PATJ: variants seen among roughly 807,000 people sequenced by gnomAD.
PATJ encodes the protein inaD-like protein.
PATJ carries 190 observed loss-of-function variants against 224.9 expected under a neutral mutation model. The observed-to-expected ratio is 0.84, with a 90% confidence interval of 0.75 to 0.95. PATJ has a LOEUF of 0.95. PATJ is among the 40% of genes least tolerant of loss of function. PATJ has a pLI of 0.00. For missense variants in PATJ, 2,121 were observed against 2,270.3 expected (o/e 0.93, Z 1.34); for synonymous variants, 769 against 820.3 (o/e 0.94, Z 1.07).
intron 29 of PATJ, among the ~76,000 whole-genome samples, chr1:62,032,818 G>A (rs902886409): frequency 2.0e-5 from 3 of 152,174 alleles, no homozygotes; most frequent in Non-Finnish European, 4.4e-5. Flanking sequence ...AGATTTAACT[G>A]ACAGTTCAGC....
intron 34 of PATJ, among the ~76,000 whole-genome samples, chr1:62,111,903 G>A (rs1015171210): frequency 6.6e-6 from 1 of 151,576 alleles, no homozygotes; most frequent in Non-Finnish European, 1.5e-5. Context: ...CTCGTGATCT[G>A]CCTGCCTCGG....
intron 18 of PATJ, among the ~76,000 whole-genome samples, chr1:61,860,493 T>C (rs1398899775): frequency 6.6e-6 from 1 of 152,200 alleles, no homozygotes; most frequent in Admixed American, 6.5e-5. Flanking sequence ...CTTGTGCCAG[T>C]TATTCAACCT....
At chr1:62,025,766 T>C (rs1301134466) in intron 29 of PATJ, among the ~76,000 whole-genome samples, 2 of 152,146 alleles carry the variant, frequency 1.3e-5, no homozygotes, top group African/African-American at 4.8e-5. Flanking sequence ...GAGGTTGCAG[T>C]GAGCTGAGGT....
chr1:61,754,089 A>G (rs1405214878), intron 1 of PATJ, among the ~76,000 whole-genome samples: 2 of 152,164 alleles, frequency 1.3e-5, no homozygotes, highest in Non-Finnish European at 2.9e-5. Flanking sequence ...CAAGCATAAT[A>G]AAGTTCTCAT....
At chr1:62,132,895 C>G (rs1394270026) in intron 41 of PATJ, among the ~76,000 whole-genome samples, 1 of 151,624 alleles carries the variant, frequency 6.6e-6, no homozygotes, top group Non-Finnish European at 1.5e-5. Flanking sequence ...CAGTGAGACC[C>G]TGTCTCAAAA....
At chr1:61,835,952 A>C (rs1237959817) in intron 17 of PATJ, among the ~76,000 whole-genome samples, 3 of 152,340 alleles carry the variant, frequency 2.0e-5, no homozygotes, top group Non-Finnish European at 4.4e-5. Context: ...TTGCATTCTT[A>C]TAATACATAT....
intron 27 of PATJ, among the ~76,000 whole-genome samples, chr1:61,975,489 C>T (rs1449364621): frequency 6.6e-6 from 1 of 151,938 alleles, no homozygotes; most frequent in Non-Finnish European, 1.5e-5. Context: ...GTAAAGTCAG[C>T]TATTCCTTTT....
intron 17 of PATJ, among the ~76,000 whole-genome samples, chr1:61,834,156 A>G (rs908571125): frequency 3.3e-5 from 5 of 152,152 alleles, no homozygotes; most frequent in African/African-American, 1.2e-4. Context: ...ATATTCACAG[A>G]GTTGTGCAAC....
intron 1 of PATJ, among the ~76,000 whole-genome samples, chr1:61,753,175 C>A (rs933828305): frequency 6.6e-6 from 1 of 152,160 alleles, no homozygotes; most frequent in African/African-American, 2.4e-5. Flanking sequence ...TTACACTTGA[C>A]ATTGATCTTT....
chr1:61,955,574 C>G (rs1254323400), intron 27 of PATJ, among the ~76,000 whole-genome samples: 1 of 152,162 alleles, frequency 6.6e-6, no homozygotes, highest in Non-Finnish European at 1.5e-5. Context: ...AATTTATTTT[C>G]TGAAATAGAA....
chr1:61,977,204 C>T (rs148082225), intron 27 of PATJ, among the ~76,000 whole-genome samples: 1 of 152,224 alleles, frequency 6.6e-6, no homozygotes, highest in Non-Finnish European at 1.5e-5. Flanking sequence ...TCTCCAACCT[C>T]AGCCACCCGC....
At chr1:61,977,620 C>T (rs1007949190) in intron 27 of PATJ, among the ~76,000 whole-genome samples, 1 of 151,830 alleles carries the variant, frequency 6.6e-6, no homozygotes, top group Admixed American at 6.6e-5. Flanking sequence ...TGGGGGGCTC[C>T]ATTTAAGACT....
chr1:61,802,383 G>A (rs1047999913), intron 12 of PATJ, among the ~76,000 whole-genome samples: 3 of 151,980 alleles, frequency 2.0e-5, no homozygotes, highest in Admixed American at 6.6e-5. Context: ...GTGAGCCACC[G>A]TGCCCAGCCA....
intron 24 of PATJ, among the ~76,000 whole-genome samples, chr1:61,907,530 A>T (rs1386763329): frequency 6.6e-6 from 1 of 151,908 alleles, no homozygotes; most frequent in African/African-American, 2.4e-5. Flanking sequence ...TTTATCATCC[A>T]TTTTTTTCTC....
At chr1:62,003,362 A>G (rs1645905953) in intron 28 of PATJ, among the ~76,000 whole-genome samples, 1 of 152,216 alleles carries the variant, frequency 6.6e-6, no homozygotes, top group Non-Finnish European at 1.5e-5. Flanking sequence ...TTCCCAATAT[A>G]ACAAATTTAG....
intron 12 of PATJ, among the ~76,000 whole-genome samples, chr1:61,804,475 A>G (rs1352056690): frequency 6.6e-6 from 1 of 152,174 alleles, no homozygotes; most frequent in African/African-American, 2.4e-5. Flanking sequence ...GTCCATGCTG[A>G]AGACTGAAAG....
chr1:62,034,818 G>GA (rs1181096070), intron 29 of PATJ, among the ~76,000 whole-genome samples: 2 of 152,128 alleles, frequency 1.3e-5, no homozygotes, highest in Non-Finnish European at 2.9e-5. Flanking sequence ...ACTAATTTGT[G>GA]AAAAAATCAT....
intron 43 of PATJ, among the ~76,000 whole-genome samples, chr1:62,157,469 T>G (rs1332444910): frequency 7.2e-6 from 1 of 139,090 alleles, no homozygotes; most frequent in African/African-American, 2.5e-5. Context: ...GTTGAGAGAC[T>G]TAGTCAATAT....
chr1:61,786,413 C>A (rs1648539746), intron 7 of PATJ, among the ~76,000 whole-genome samples: 1 of 152,030 alleles, frequency 6.6e-6, no homozygotes, highest in Non-Finnish European at 1.5e-5. Flanking sequence ...CCCCAGCTCC[C>A]AAATTTAAAT....
Sources: gnomAD v4.1 joint callset for allele counts (sites outside exome capture counted in the v4.1 genomes callset) on GRCh38, gnomAD v4.1.1 for gene constraint, MANE v1.5 for transcripts, NCBI Gene and HGNC (gene_info 2026-07-23, HGNC 2026-07-21) for gene names.